The following TRIM5 variants were observed in gnomAD, a reference collection of about 807,000 sequenced individuals.
TRIM5 encodes tripartite motif-containing protein 5.
TRIM5 carries 31 observed loss-of-function variants against 35.6 expected under a neutral mutation model. The observed-to-expected ratio is 0.87, with a 90% CI of 0.65 to 1.18. TRIM5 has a LOEUF of 1.18. Ranked by LOEUF, TRIM5 falls within the 50% of genes most tolerant of loss-of-function variation. TRIM5 has a pLI of 0.00. For missense variants in TRIM5, 609 were observed against 591.6 expected (o/e 1.03, Z -0.31); for synonymous variants, 243 against 215.6 (o/e 1.13, Z -1.11).
chr11:5,611,023 A>T, the TRIM5 span: 1 of 1,614,064 alleles, frequency 6.2e-7, no homozygotes, highest in African/African-American at 1.3e-5. Flanking sequence ...TTCTCTTTCA[A>T]CCATTTTGCT....
the TRIM5 span, among the ~76,000 whole-genome samples, chr11:5,655,282 A>G: frequency 2.0e-5 from 3 of 152,084 alleles, no homozygotes; most frequent in Non-Finnish European, 4.4e-5. Context: ...ATTCAATGAT[A>G]GTAGTATGTG....
In TRIM5 at chr11:5,664,452, T is replaced by C. The variant is rs1014462656; in HGVS notation, c.*357A>G. ...GGTGAACAATTATCACACGATGATA[T>C]AGAAAGGCTGTTGAAAAGCTTTTCT... On this transcript the variant is annotated 3_prime_UTR_variant, in exon 8 of 8. Coordinates refer to ENST00000380034, the MANE Select transcript of TRIM5 (RefSeq NM_033034.3). The C allele has an allele frequency of 2.3e-5, 24 of 1,026,812 alleles. No homozygotes were observed. In the African/African-American group the frequency reaches 3.6e-4, roughly 15 times the overall value. 63.6% of individuals were successfully genotyped at this position (1,026,812 alleles called of 1,614,324 possible). A position where few individuals can be genotyped will look rare whatever the true frequency, so the allele number is the denominator to read the frequency against.
the TRIM5 span, among the ~76,000 whole-genome samples, chr11:5,630,574 CG>C: frequency 1.6e-3 from 246 of 152,290 alleles, 3 homozygotes; most frequent in Non-Finnish European, 2.7e-3. Flanking sequence ...CCTCCATGAA[CG>C]GGGCATTCAC....
chr11:5,666,128 T>C (rs1403139517), intron 5 of TRIM5, 47 bp from the exon 6 acceptor site: 2 of 1,508,516 alleles, frequency 1.3e-6, no homozygotes, highest in African/African-American at 2.8e-5. Context: ...TTTGACCTTG[T>C]GTCCGTGGAA....
At chr11:5,617,784 A>G in the TRIM5 span, among the ~76,000 whole-genome samples, 1 of 151,808 alleles carries the variant, frequency 6.6e-6, no homozygotes, top group Non-Finnish European at 1.5e-5. Flanking sequence ...GCCACCGCGC[A>G]TGGCCTGGGC....
At chr11:5,600,862 G>A in the TRIM5 span, among the ~76,000 whole-genome samples, 5 of 152,160 alleles carry the variant, frequency 3.3e-5, no homozygotes, top group East Asian at 3.9e-4. Flanking sequence ...CTTCTTTGGT[G>A]GCCCAAACAC....
At chr11:5,670,069 T>A (rs535202169) in intron 4 of TRIM5, 1 of 153,874 alleles carries the variant, frequency 6.5e-6, no homozygotes, top group Admixed American at 6.6e-5. Context: ...GAAATGTAAC[T>A]CTCCTGATAT....
At chr11:5,634,676 C>T in the TRIM5 span, 1 of 1,613,584 alleles carries the variant, frequency 6.2e-7, no homozygotes, top group African/African-American at 1.3e-5. Flanking sequence ...AGAATTTGAT[C>T]AGCTTAGAAG....
the TRIM5 span, among the ~76,000 whole-genome samples, chr11:5,639,851 T>G: frequency 1.2e-4 from 19 of 152,236 alleles, no homozygotes; most frequent in Admixed American, 8.5e-4. Context: ...TTATTGGTAC[T>G]TAATAAGTAT....
the TRIM5 span, among the ~76,000 whole-genome samples, chr11:5,635,653 G>A: frequency 1.8e-4 from 28 of 152,208 alleles, no homozygotes; most frequent in Admixed American, 7.2e-4. Context: ...TCCTTTCTTT[G>A]CTGAATTTCC....
chr11:5,626,511 T>G, the TRIM5 span: 1 of 152,314 alleles, frequency 6.6e-6, no homozygotes, highest in South Asian at 2.1e-4. Context: ...TTAAAGGCTT[T>G]AATGGTTTTT....
At chr11:5,639,730 G>A in the TRIM5 span, among the ~76,000 whole-genome samples, 3 of 146,240 alleles carry the variant, frequency 2.1e-5, no homozygotes, top group Non-Finnish European at 4.5e-5. Flanking sequence ...TTGCCTATAG[G>A]CGGTGGATAG....
the TRIM5 span, among the ~76,000 whole-genome samples, chr11:5,637,737 C>T: frequency 6.6e-6 from 1 of 152,150 alleles, no homozygotes; most frequent in Non-Finnish European, 1.5e-5. Context: ...AAAAACAGCT[C>T]CCCATTCCCT....
At chr11:5,632,687 G>A in the TRIM5 span, 1 of 1,612,666 alleles carries the variant, frequency 6.2e-7, no homozygotes, top group Non-Finnish European at 8.5e-7. Context: ...TGCTGGCTTT[G>A]TGAGCGGTCT....
chr11:5,619,848 GC>G, the TRIM5 span: 1 of 148,880 alleles, frequency 6.7e-6, no homozygotes, highest in Admixed American at 6.8e-5. Context: ...GATTACAGGC[GC>G]CCACCACCAT....
chr11:5,601,404 A>G, the TRIM5 span, among the ~76,000 whole-genome samples: 843 of 152,350 alleles, frequency 5.5e-3, 6 homozygotes, highest in African/African-American at 0.016. Flanking sequence ...AGGGATAAAG[A>G]AAGCAAGAGA....
At chr11:5,614,077 C>A in the TRIM5 span, among the ~76,000 whole-genome samples, 1 of 152,112 alleles carries the variant, frequency 6.6e-6, no homozygotes, top group Non-Finnish European at 1.5e-5. Context: ...ACAGCTCTGA[C>A]CTTTTCTTGA....
chr11:5,599,575 T>C, the TRIM5 span, among the ~76,000 whole-genome samples: 3 of 152,044 alleles, frequency 2.0e-5, no homozygotes, highest in Non-Finnish European at 2.9e-5. Context: ...AGCTAAATTT[T>C]TGTATTTTTA....
downstream of TRIM5, among the ~76,000 whole-genome samples, chr11:5,660,037 C>A (rs764808772): frequency 9.9e-5 from 15 of 151,796 alleles, no homozygotes; most frequent in Non-Finnish European, 1.9e-4. Flanking sequence ...CGTGCAGTGG[C>A]GAGATCTCGG....
Sources: allele counts gnomAD v4.1 joint callset (sites outside exome capture counted in the v4.1 genomes callset), GRCh38; gene constraint gnomAD v4.1.1; transcripts MANE v1.5; gene names NCBI Gene and HGNC (gene_info 2026-07-23, HGNC 2026-07-21).